The following BMP3 variants were observed in gnomAD, a reference collection of about 807,000 sequenced individuals.
The protein encoded by BMP3 is bone morphogenetic protein 3.
BMP3 carries 23 observed loss-of-function variants against 38.1 expected under a neutral mutation model. The ratio of observed to expected loss-of-function variants is 0.60; its 90% CI spans 0.43 to 0.86. The LOEUF (loss-of-function observed/expected upper bound fraction) is 0.86. Ranked by LOEUF, BMP3 falls within the 40% of genes least tolerant of loss-of-function variation. The probability of loss-of-function intolerance (pLI) is 0.00; values close to 1 mark genes in which losing one functional copy is unlikely to be tolerated. For missense variants in BMP3, 628 were observed against 579.6 expected, an observed-to-expected ratio of 1.08 and a Z score of -0.86; for synonymous variants, 258 against 225.7, an observed-to-expected ratio of 1.14 and a Z score of -1.28.
Position 81,040,887 on chromosome 4 carries a change from C to G in BMP3, c.317-4851C>G, listed in dbSNP as rs546804133. Among the ~76,000 whole-genome samples the G allele has an allele frequency of 7.2e-5, 11 of 152,118 alleles. No individual in the cohort carries two copies. In the South Asian group the frequency reaches 2.3e-3, roughly 32 times the overall value. Reference sequence around the variant, plus strand: ...ACCCTTTTTTTTATCATTATTATATCGGTTTGCTCTTATTAATCAGGAAGT... The same window carrying G: ...ACCCTTTTTTTTATCATTATTATATGGGTTTGCTCTTATTAATCAGGAAGT... On this transcript the variant is annotated intron_variant, in intron 1 of 2. Coordinates refer to ENST00000282701, the MANE Select transcript of BMP3 (RefSeq NM_001201.5).
At position 81,032,194 on chromosome 4, in the gene BMP3, C is replaced by CAAAAAAAAAAAAAA. The variant is rs5859748; in HGVS notation, c.316+607_316+620dup. Among the ~76,000 whole-genome samples the CAAAAAAAAAAAAAA allele has an allele frequency of 3.6e-4, 27 of 74,036 alleles. 5 individuals carry two copies. The highest frequency in any genetic ancestry group is 1.3e-3 in the African/African-American group (27 of 20,694). 48.6% of individuals were successfully genotyped at this position (74,036 alleles called of 152,430 possible). A position where few individuals can be genotyped will look rare whatever the true frequency, so the allele number is the denominator to read the frequency against. ...ACTTTACTTGATAGTTCCTTAGTGGCAAAAAAAAAAAAAAAAAAAAAAAAA... is the reference window on the plus strand; with the variant it reads ...ACTTTACTTGATAGTTCCTTAGTGGCAAAAAAAAAAAAAAAAAAAAAAAAAAAAAAAAAAAAAAA... On this transcript the variant is annotated intron_variant, in intron 1 of 2. Coordinates refer to ENST00000282701, the MANE Select transcript of BMP3 (RefSeq NM_001201.5).
chr4:81,037,095 T>G (rs1432511800), intron 1 of BMP3, among the ~76,000 whole-genome samples: 1 of 152,082 alleles, frequency 6.6e-6, no homozygotes, highest in Non-Finnish European at 1.5e-5. Context: ...ATGATCTCAC[T>G]TTATTACTAG....
chr4:81,053,407 T>C lies in BMP3; in HGVS notation c.1290T>C (p.Pro430=), dbSNP rs765742411. ...TAGTGAGAGCTGTGGGGGTCGTTCCTGGGATTCCTGAGCCTTGCTGTGTAC... is the reference window on the plus strand; with the variant it reads ...TAGTGAGAGCTGTGGGGGTCGTTCCCGGGATTCCTGAGCCTTGCTGTGTAC... ...QSIVRAVGVV[P]GIPEPCCVPE... is the part of the protein sequence containing the mutation. Residue 430 remains proline, a synonymous_variant, in exon 3 of 3, where the codon CCT becomes CCC. Transcript: ENST00000282701. 15 of 1,611,282 alleles carry C rather than the reference T, an allele frequency of 9.3e-6. No homozygotes were observed. Among genetic ancestry groups the C allele is most frequent in the Non-Finnish European group, 1.3e-5 (15 of 1,178,866 alleles).
Position 81,031,583 on chromosome 4 carries a change from T to C in BMP3, c.299T>C (p.Phe100Ser). The C allele has an allele frequency of 6.2e-7, 1 of 1,602,110 alleles. No homozygotes were observed. The highest frequency in any genetic ancestry group is 8.5e-7 in the Non-Finnish European group (1 of 1,174,990). Residue 100 changes from phenylalanine to serine, a missense_variant, in exon 1 of 3, where the codon TTT becomes TCT. By Grantham distance (155) the Phe-to-Ser change is radical. Coordinates refer to ENST00000282701, the MANE Select transcript of BMP3 (RefSeq NM_001201.5). Reference sequence around the variant, plus strand: ...CGCGAAGGCAACACGGTTCGCAGCTTTCGGGCGGCAGCAGCAGGTGAGTGC... The same window carrying C: ...CGCGAAGGCAACACGGTTCGCAGCTCTCGGGCGGCAGCAGCAGGTGAGTGC... ...LLREGNTVRSFRAAAAETLER... is the reference protein window; with the variant it reads ...LLREGNTVRSSRAAAAETLER...
At position 81,041,449 on chromosome 4, in the gene BMP3, G is replaced by C. The variant is rs530440298; in HGVS notation, c.317-4289G>C. ...AAATGGCTGATAATTCTAGCTTATT[G>C]TTTTGCTTCTTGGTTTTTTTTAAAC... On this transcript the variant is annotated intron_variant, in intron 1 of 2. Transcript: ENST00000282701. Among the ~76,000 whole-genome samples the C allele has an allele frequency of 2.6e-5, 4 of 152,240 alleles. No homozygotes were observed. The East Asian group carries it at 5.8e-4, about 22-fold the overall frequency.
At chr4:81,039,928 T>C (rs1740025771) in intron 1 of BMP3, among the ~76,000 whole-genome samples, 1 of 152,142 alleles carries the variant, frequency 6.6e-6, no homozygotes, top group East Asian at 1.9e-4. Flanking sequence ...TGGGTTGTCA[T>C]GACAAGCTTG....
rs1160918354 is a variant in BMP3 at position 81,030,757 on chromosome 4, G to GCACA, written c.-516_-513dup. On this transcript the variant is annotated 5_prime_UTR_variant, in exon 1 of 3. Transcript: ENST00000282701. Reference sequence around the variant, plus strand: ...CACGCACACACGCGCGCGCGCGCGCGCACACACACACACACGTACACTAAA... The same window carrying GCACA: ...CACGCACACACGCGCGCGCGCGCGCGCACACACACACACACACACGTACACTAAA... 6.7e-6 allele frequency among the ~76,000 whole-genome samples: 1 copy of GCACA among 148,396 alleles called. No individual in the cohort carries two copies. The highest frequency in any genetic ancestry group is 1.5e-5 in the Non-Finnish European group (1 of 67,044).
intron 2 of BMP3, among the ~76,000 whole-genome samples, chr4:81,047,016 A>G (rs1362246966): frequency 1.3e-5 from 2 of 152,202 alleles, no homozygotes; most frequent in East Asian, 3.8e-4. Context: ...CTGACCTTGG[A>G]AGAGTATTCA....
rs758186711 is a variant in BMP3, at chr4:81,046,262, C to G, written c.841C>G (p.Leu281Val). The G allele has an allele frequency of 1.2e-5, 19 of 1,613,996 alleles. No homozygotes were observed. Among genetic ancestry groups the G allele is most frequent in the Non-Finnish European group, 1.6e-5 (19 of 1,180,028 alleles). Residue 281 changes from leucine (L) to valine (V), a missense_variant, in exon 2 of 3, where the codon CTT becomes GTT. Transcript: ENST00000282701. The stretch of plus-strand genomic sequence containing the variant: ...ATGGGATAGCCACATCAGAGCTGCC[C>G]TTTCCATTGAGCGGAGGAAGAAGCG... ...PKWDSHIRAA[L>V]SIERRKKRST...
intron 1 of BMP3, among the ~76,000 whole-genome samples, chr4:81,038,422 T>C (rs892269749): frequency 1.3e-5 from 2 of 152,172 alleles, no homozygotes; most frequent in Admixed American, 1.3e-4. Flanking sequence ...TGCCATGTAG[T>C]TGACACTCAC....
intron 1 of BMP3, among the ~76,000 whole-genome samples, chr4:81,034,584 C>T (rs1448584187): frequency 1.3e-5 from 2 of 152,060 alleles, no homozygotes; most frequent in South Asian, 2.1e-4. Flanking sequence ...ACAATTAAAG[C>T]ACACATGTTG....
Position 81,035,132 on chromosome 4 carries a change from A to ATGAATTACACAATACTC in BMP3, c.316+3535_316+3536insATTACACAATACTCTGA, listed in dbSNP as rs1246480639. The stretch of plus-strand genomic sequence containing the variant: ...TTGAATTACACACTACTCTGAATAC[A>ATGAATTACACAATACTC]TGATAGCCTTTAATGAAGTTTTTAC... On this transcript the variant is annotated intron_variant, in intron 1 of 2. Transcript: ENST00000282701. Among the ~76,000 whole-genome samples, 691 of 152,258 alleles carry ATGAATTACACAATACTC rather than the reference A, an allele frequency of 4.5e-3. 7 individuals are homozygous for ATGAATTACACAATACTC. Among genetic ancestry groups the ATGAATTACACAATACTC allele is most frequent in the African/African-American group, 0.016 (672 of 41,572 alleles).
At chr4:81,048,869 A>T (rs1009120886) in intron 2 of BMP3, among the ~76,000 whole-genome samples, 1 of 152,228 alleles carries the variant, frequency 6.6e-6, no homozygotes, top group African/African-American at 2.4e-5. Context: ...AGTAGAGCCT[A>T]AGATTCTGCA....
intron 1 of BMP3, among the ~76,000 whole-genome samples, chr4:81,044,006 A>G (rs1208618739): frequency 6.6e-6 from 1 of 152,186 alleles, no homozygotes; most frequent in African/African-American, 2.4e-5. Flanking sequence ...CACTTTATGG[A>G]CTGCTTTATA....
At chr4:81,042,242 T>C (rs186850200) in intron 1 of BMP3, among the ~76,000 whole-genome samples, 1 of 152,334 alleles carries the variant, frequency 6.6e-6, no homozygotes, top group African/African-American at 2.4e-5. Context: ...TATTTTATAC[T>C]TACAGCACAT....
chr4:81,049,241 G>C (rs1480252709), intron 2 of BMP3, among the ~76,000 whole-genome samples: 2 of 152,116 alleles, frequency 1.3e-5, no homozygotes, highest in Non-Finnish European at 2.9e-5. Context: ...AGACTACATA[G>C]GAAACGAGAT....
rs758140617 is a variant in BMP3, at chr4:81,046,584, T to A, written c.1163T>A (p.Ile388Asn). 3 of 1,613,956 alleles carry A rather than the reference T, an allele frequency of 1.9e-6. No individual in the cohort carries two copies. Among genetic ancestry groups the A allele is most frequent in the Non-Finnish European group, 2.5e-6 (3 of 1,180,000 alleles). The change falls in exon 2 of 3, where the codon ATT becomes AAT. Residue 388 changes from isoleucine (I) to asparagine (N), a missense_variant. Ile to Asn is a moderately radical substitution (Grantham distance 149, BLOSUM62 -3). Coordinates refer to ENST00000282701, the MANE Select transcript of BMP3 (RefSeq NM_001201.5). ...DFADIGWSEW[I>N]ISPKSFDAYY... ...GCAGATATTGGCTGGAGTGAATGGA[T>A]TATCTCCCCCAAGTCCTTTGATGCC... is the stretch of plus-strand genomic sequence containing the variant.
At chr4:81,050,393 A>T (rs764429390) in intron 2 of BMP3, among the ~76,000 whole-genome samples, 10 of 152,226 alleles carry the variant, frequency 6.6e-5, no homozygotes, top group Non-Finnish European at 1.2e-4. Flanking sequence ...ATACCCATAC[A>T]GTTAATGCCA....
At chr4:81,039,678 C>T (rs1319854646) in intron 1 of BMP3, among the ~76,000 whole-genome samples, 1 of 152,190 alleles carries the variant, frequency 6.6e-6, no homozygotes, top group Middle Eastern at 3.2e-3. Context: ...GACTTTCTCT[C>T]CAAAGTCAAT....
Sources: gnomAD v4.1 joint callset for allele counts (sites outside exome capture counted in the v4.1 genomes callset) on GRCh38, gnomAD v4.1.1 for gene constraint, MANE v1.5 for transcripts, NCBI Gene and HGNC (gene_info 2026-07-23, HGNC 2026-07-21) for gene names.